The following GULP1 variants were observed in gnomAD, a reference collection of about 807,000 sequenced individuals.
The protein encoded by GULP1 is GULP PTB domain containing engulfment adaptor 1.
Under a neutral mutation model 40.9 loss-of-function variants are expected in GULP1, and 19 were observed. That is an observed-to-expected ratio of 0.46 (90% CI 0.32 to 0.68). The LOEUF is 0.68. Ranked by LOEUF, GULP1 falls within the 30% of genes least tolerant of loss-of-function variation. The pLI, the probability that GULP1 is intolerant of heterozygous loss-of-function variation, is 0.03. For missense variants in GULP1, 312 were observed against 362.2 expected (o/e 0.86, Z 1.12); for synonymous variants, 119 against 117.6 (o/e 1.01, Z -0.08).
intron 6 of GULP1, 99 bp from the exon 7 acceptor site, chr2:188,541,082 G>A: frequency 1.0e-6 from 1 of 982,194 alleles, no homozygotes; most frequent in Non-Finnish European, 1.5e-6. Context: ...ACAGATGATT[G>A]TTCTACTTTT....
chr2:188,566,766 G>C (rs1260285834), intron 7 of GULP1, among the ~76,000 whole-genome samples: 5 of 124,782 alleles, frequency 4.0e-5, no homozygotes, highest in Non-Finnish European at 6.3e-5. Context: ...CTGCACTCCA[G>C]CCTGGGTAGC....
chr2:188,398,160 G>T (rs115386902), intron 2 of GULP1, among the ~76,000 whole-genome samples: 5,400 of 152,218 alleles, frequency 0.035, 334 homozygotes, highest in African/African-American at 0.12. Flanking sequence ...ACAAGCCAAG[G>T]AGGAGTCACC....
intron 1 of GULP1, among the ~76,000 whole-genome samples, chr2:188,379,347 A>T (rs1033977198): frequency 2.1e-4 from 32 of 152,216 alleles, no homozygotes; most frequent in African/African-American, 7.7e-4. Context: ...ATAAAAGGTG[A>T]TATGAATTCT....
intron 9 of GULP1, among the ~76,000 whole-genome samples, chr2:188,570,483 G>T (rs541381292): frequency 6.6e-6 from 1 of 152,252 alleles, no homozygotes; most frequent in African/African-American, 2.4e-5. Flanking sequence ...CCCTTGAAGT[G>T]CTCAACTTCA....
At position 188,593,837 on chromosome 2, in the gene GULP1, T is replaced by C. The variant is rs1576353466; in HGVS notation, c.844-103T>C. 7.3e-6 allele frequency: 5 copies of C among 684,330 alleles called. 1 individual carries two copies. Among genetic ancestry groups the C allele is most frequent in the African/African-American group, 1.8e-5 (1 of 55,552 alleles). The allele number at this position is 684,330 out of a possible 1,614,324, so 42.4% of individuals were successfully genotyped here. ...TGACATATAGTTATTTATTAGTTGA[T>C]CAAAGCATGAATATTTCAACTTTAG... On this transcript the variant is annotated intron_variant, in intron 11 of 11. Transcript: ENST00000409830.
chr2:188,342,079 A>G (rs2043046775), intron 1 of GULP1, among the ~76,000 whole-genome samples: 1 of 152,230 alleles, frequency 6.6e-6, no homozygotes, highest in Admixed American at 6.5e-5. Flanking sequence ...ATAAACAAAA[A>G]TATATCAATA....
chr2:188,321,989 C>T (rs1057321339), intron 1 of GULP1, among the ~76,000 whole-genome samples: 1 of 152,058 alleles, frequency 6.6e-6, no homozygotes, highest in African/African-American at 2.4e-5. Flanking sequence ...TGTGCCATTG[C>T]ACTCCAGCCT....
At chr2:188,443,425 G>A (rs1251590104) in intron 2 of GULP1, among the ~76,000 whole-genome samples, 1 of 151,996 alleles carries the variant, frequency 6.6e-6, no homozygotes, top group Non-Finnish European at 1.5e-5. Context: ...CATTAAATAG[G>A]ACTCCCTATG....
chr2:188,433,801 A>G (rs1125099), intron 2 of GULP1, among the ~76,000 whole-genome samples: 30,758 of 152,050 alleles, frequency 0.2, 3,302 homozygotes, highest in African/African-American at 0.27. Flanking sequence ...AGCCTCAGGA[A>G]GTCCTGAGAA....
chr2:188,527,245 A>T (rs192824488), intron 5 of GULP1, among the ~76,000 whole-genome samples: 1 of 152,218 alleles, frequency 6.6e-6, no homozygotes, highest in African/African-American at 2.4e-5. Flanking sequence ...TTCTTGTCAG[A>T]GGTCACAGGA....
intron 1 of GULP1, among the ~76,000 whole-genome samples, chr2:188,366,562 T>A (rs1033373042): frequency 6.6e-6 from 1 of 151,574 alleles, no homozygotes; most frequent in Non-Finnish European, 1.5e-5. Context: ...TGTATTTTAC[T>A]TTGTAGGGCG....
intron 1 of GULP1, among the ~76,000 whole-genome samples, chr2:188,369,666 G>T (rs989797997): frequency 2.6e-5 from 4 of 152,056 alleles, no homozygotes; most frequent in African/African-American, 9.7e-5. Context: ...ACCATTTTCT[G>T]TCTCGGTTTC....
chr2:188,434,979 AGAT>A (rs1298302481), intron 2 of GULP1, among the ~76,000 whole-genome samples: 2 of 152,042 alleles, frequency 1.3e-5, no homozygotes, highest in Admixed American at 6.6e-5. Context: ...AGACTTTCTA[AGAT>A]TTTAAACAAA....
intron 4 of GULP1, among the ~76,000 whole-genome samples, chr2:188,501,319 GC>G (rs1270934973): frequency 6.6e-6 from 1 of 151,744 alleles, no homozygotes; most frequent in Non-Finnish European, 1.5e-5. Context: ...TCTTTCTCCT[GC>G]CTCCATGTAA....
At chr2:188,323,893 T>C (rs535828016) in intron 1 of GULP1, among the ~76,000 whole-genome samples, 11 of 152,114 alleles carry the variant, frequency 7.2e-5, no homozygotes, top group South Asian at 4.2e-4. Context: ...CTCTCCTCTA[T>C]GATTTACCTT....
intron 2 of GULP1, among the ~76,000 whole-genome samples, chr2:188,456,477 G>A (rs938937711): frequency 6.6e-6 from 1 of 152,146 alleles, no homozygotes; most frequent in Non-Finnish European, 1.5e-5. Context: ...TTAAGGCCTT[G>A]GCAGCTTCCA....
At chr2:188,435,162 A>G (rs1186120359) in intron 2 of GULP1, among the ~76,000 whole-genome samples, 1 of 151,882 alleles carries the variant, frequency 6.6e-6, no homozygotes, top group Admixed American at 6.6e-5. Flanking sequence ...AGTTTGTCTC[A>G]GTTGGTTTTT....
rs376093778 is a variant in GULP1, at chr2:188,453,439, A to G, written c.-44-24220A>G. ...ATGATTGTCTTCATAGTAACTCATT[A>G]TATGTGCCCTCTTGTAGGACCTGGG... On this transcript the variant is annotated intron_variant, in intron 2 of 11. Coordinates refer to ENST00000409830, the MANE Select transcript of GULP1 (RefSeq NM_016315.4). Among the ~76,000 whole-genome samples the G allele has an allele frequency of 3.4e-4, 51 of 152,236 alleles. 1 individual carries two copies. The highest frequency in any genetic ancestry group is 1.1e-3 in the African/African-American group (44 of 41,532).
chr2:188,514,109 TCTAGGG>T (rs1193489226), intron 4 of GULP1, among the ~76,000 whole-genome samples: 2 of 148,774 alleles, frequency 1.3e-5, no homozygotes, highest in Non-Finnish European at 3.0e-5. Flanking sequence ...TGGCGTCCTG[TCTAGGG>T]CTGTTTCCAG....
Sources: gnomAD v4.1 joint callset for allele counts (sites outside exome capture counted in the v4.1 genomes callset) on GRCh38, gnomAD v4.1.1 for gene constraint, MANE v1.5 for transcripts, NCBI Gene and HGNC (gene_info 2026-07-23, HGNC 2026-07-21) for gene names.